Variants in INPP4B observed in about 807,000 individuals in gnomAD.
INPP4B encodes inositol polyphosphate-4-phosphatase type II B.
A neutral mutation model predicts 122.5 loss-of-function variants in INPP4B; 55 were observed. The ratio of observed to expected loss-of-function variants is 0.45; its 90% CI spans 0.36 to 0.56. INPP4B has a LOEUF of 0.56. Ranked by LOEUF, INPP4B falls within the 20% of genes least tolerant of loss-of-function variation. INPP4B has a pLI of 0.00. For synonymous variants in INPP4B, 403 were observed against 388.7 expected, an observed-to-expected ratio of 1.04 and a Z score of -0.43; for missense variants, 1,000 against 1,097.7, an observed-to-expected ratio of 0.91 and a Z score of 1.26.
chr4:142,565,941 T>A (rs1328122357), intron 2 of INPP4B: 1 of 152,198 alleles, frequency 6.6e-6, no homozygotes, highest in African/African-American at 2.4e-5. Flanking sequence ...CAGAGCCTCA[T>A]CGACCTAGTA....
In INPP4B at chr4:142,446,760, CAG is replaced by C. The variant is rs1287181678; in HGVS notation, c.-126-15377_-126-15376del. 4.6e-5 allele frequency among the ~76,000 whole-genome samples: 7 copies of C among 152,146 alleles called. 1 individual carries two copies. The South Asian group carries it at 1.2e-3, about 27-fold the overall frequency. ...GAGGAGTGAGTGGCAGGAAGGCAGACAGAGAGAGAGACGATGGCACTTACAGA... is the reference window on the plus strand; with the variant it reads ...GAGGAGTGAGTGGCAGGAAGGCAGACAGAGAGAGACGATGGCACTTACAGA... On this transcript the variant is annotated intron_variant, in intron 3 of 25. Transcript: ENST00000262992.
chr4:142,271,972 T>C (rs776979978), intron 9 of INPP4B, among the ~76,000 whole-genome samples: 2 of 152,174 alleles, frequency 1.3e-5, no homozygotes, highest in Non-Finnish European at 2.9e-5. Flanking sequence ...GCACATATAA[T>C]ATTTTTCACT....
chr4:142,652,294 C>T (rs186460672), intron 2 of INPP4B, among the ~76,000 whole-genome samples: 701 of 152,210 alleles, frequency 4.6e-3, no homozygotes, highest in Non-Finnish European at 7.5e-3. Context: ...GGAAGCATTC[C>T]CTTTGAAAAC....
chr4:142,138,576 A>G (rs1335554832), intron 18 of INPP4B, among the ~76,000 whole-genome samples: 1 of 152,082 alleles, frequency 6.6e-6, no homozygotes, highest in East Asian at 1.9e-4. Context: ...CCTTTTTCCA[A>G]CAGATATTCT....
chr4:142,561,581 G>C (rs1003306804), intron 2 of INPP4B, among the ~76,000 whole-genome samples: 3 of 152,062 alleles, frequency 2.0e-5, no homozygotes, highest in Non-Finnish European at 2.9e-5. Context: ...ACCACACCTG[G>C]CTAATATTTT....
At chr4:142,588,407 A>G (rs963736826) in intron 2 of INPP4B, among the ~76,000 whole-genome samples, 2 of 151,810 alleles carry the variant, frequency 1.3e-5, no homozygotes, top group African/African-American at 4.8e-5. Flanking sequence ...AGAAAATACT[A>G]AAGAACTAAT....
chr4:142,535,105 A>G (rs1233235199), intron 2 of INPP4B, among the ~76,000 whole-genome samples: 2 of 152,206 alleles, frequency 1.3e-5, no homozygotes, highest in Non-Finnish European at 2.9e-5. Flanking sequence ...AAATGACTAT[A>G]TTTATGTATA....
chr4:142,431,446 T>A lies in INPP4B; in HGVS notation c.-126-61A>T, dbSNP rs72724579. The stretch of plus-strand genomic sequence containing the variant: ...TGGAGTTCAGTATAAAGCTAAAAAG[T>A]AAAGGTAAGTAGAGACTGCAACTAC... On this transcript the variant is annotated intron_variant, in intron 3 of 25. Coordinates refer to ENST00000262992, the MANE Select transcript of INPP4B (RefSeq NM_001101669.3). The A allele has an allele frequency of 0.26, 152,658 of 585,056 alleles. 22,935 individuals carry two copies. The highest frequency in any genetic ancestry group is 0.32 in the Non-Finnish European group (105,404 of 328,706). The allele number at this position is 585,056 out of a possible 1,614,324, so 36.2% of individuals were successfully genotyped here.
intron 25 of INPP4B, among the ~76,000 whole-genome samples, chr4:142,070,692 AATAG>A (rs764425900): frequency 3.3e-5 from 5 of 152,312 alleles, no homozygotes; most frequent in African/African-American, 7.2e-5. Context: ...ATACACCAAT[AATAG>A]ACAGACAGAG....
chr4:142,289,446 T>C (rs1480630608), intron 9 of INPP4B, among the ~76,000 whole-genome samples: 1 of 152,184 alleles, frequency 6.6e-6, no homozygotes, highest in Non-Finnish European at 1.5e-5. Flanking sequence ...TAAATGTGTG[T>C]CATGGTGTTT....
chr4:142,681,983 C>G (rs1758689931), intron 2 of INPP4B, among the ~76,000 whole-genome samples: 1 of 151,864 alleles, frequency 6.6e-6, no homozygotes, highest in African/African-American at 2.4e-5. Flanking sequence ...TTTTCCTCTT[C>G]AACGTGCAAA....
chr4:142,158,200 A>G (rs1020354113), intron 17 of INPP4B, among the ~76,000 whole-genome samples: 2 of 152,090 alleles, frequency 1.3e-5, no homozygotes, highest in Non-Finnish European at 2.9e-5. Flanking sequence ...TGCTCCATCT[A>G]AAAGGGCACC....
chr4:142,512,857 C>T (rs1487354279), intron 2 of INPP4B, among the ~76,000 whole-genome samples: 2 of 152,124 alleles, frequency 1.3e-5, no homozygotes, highest in African/African-American at 4.8e-5. Context: ...GCTCATTATA[C>T]TGTAGTAAAA....
intron 7 of INPP4B, among the ~76,000 whole-genome samples, chr4:142,334,792 T>C (rs76963195): frequency 1.2e-3 from 182 of 152,302 alleles, no homozygotes; most frequent in Non-Finnish European, 1.8e-3. Flanking sequence ...TTTCTTGAAC[T>C]GAATTATTTG....
intron 11 of INPP4B, among the ~76,000 whole-genome samples, chr4:142,243,512 G>T (rs927152991): frequency 2.0e-5 from 3 of 152,168 alleles, no homozygotes; most frequent in African/African-American, 7.2e-5. Context: ...AGGATCAAGG[G>T]CCAATGTTAT....
At chr4:142,519,261 G>A (rs1278203886) in intron 2 of INPP4B, among the ~76,000 whole-genome samples, 2 of 151,924 alleles carry the variant, frequency 1.3e-5, no homozygotes, top group African/African-American at 4.8e-5. Flanking sequence ...TACATAATGA[G>A]GCCCATCTGT....
chr4:142,454,136 T>G (rs2149530215), intron 3 of INPP4B, among the ~76,000 whole-genome samples: 1 of 152,158 alleles, frequency 6.6e-6, no homozygotes, highest in African/African-American at 2.4e-5. Flanking sequence ...CTTTCCCATC[T>G]TCTTAATCTC....
At chr4:142,656,532 G>A (rs1286975757) in intron 2 of INPP4B, among the ~76,000 whole-genome samples, 2 of 152,108 alleles carry the variant, frequency 1.3e-5, no homozygotes, top group Non-Finnish European at 2.9e-5. Flanking sequence ...CTGAGCAGCA[G>A]CTCCCTGCTT....
At chr4:142,502,404 C>T (rs771903320) in intron 2 of INPP4B, among the ~76,000 whole-genome samples, 1 of 152,136 alleles carries the variant, frequency 6.6e-6, no homozygotes, top group Non-Finnish European at 1.5e-5. Flanking sequence ...CCCTTTTGGG[C>T]CAAAACCAAC....
Sources: allele counts gnomAD v4.1 joint callset (sites outside exome capture counted in the v4.1 genomes callset), GRCh38; gene constraint gnomAD v4.1.1; transcripts MANE v1.5; gene names NCBI Gene and HGNC (gene_info 2026-07-23, HGNC 2026-07-21).